CRACD: variants seen among roughly 807,000 people sequenced by gnomAD.
The protein encoded by CRACD is capping protein-inhibiting regulator of actin dynamics.
CRACD carries 56 observed loss-of-function variants against 106.8 expected under a neutral mutation model. The ratio of observed to expected loss-of-function variants is 0.52; its 90% CI spans 0.42 to 0.66. The LOEUF is 0.66. CRACD is among the 30% of genes least tolerant of loss of function. The probability of loss-of-function intolerance (pLI) is 0.00; values close to 1 mark genes in which losing one functional copy is unlikely to be tolerated. For missense variants in CRACD, 1,730 were observed against 1,623.2 expected (o/e 1.07, Z -1.13); for synonymous variants, 754 against 670.8 (o/e 1.12, Z -1.92).
At chr4:56,323,664 G>A in intron 9 of CRACD, 97 bp downstream of exon 9, 1 of 1,216,556 alleles carries the variant, frequency 8.2e-7, no homozygotes, top group East Asian at 2.6e-5. Context: ...TGGGCTGGTG[G>A]AAAGTACTTA....
rs1322599487 is a variant in CRACD at position 56,328,265 on chromosome 4, A to G, written c.*461A>G. 2 of 515,110 alleles carry G rather than the reference A, an allele frequency of 3.9e-6. No individual in the cohort carries two copies. The highest frequency in any genetic ancestry group is 3.9e-5 in the African/African-American group (2 of 51,900). The allele number at this position is 515,110 out of a possible 1,614,324, so 31.9% of individuals were successfully genotyped here. ...TCCTTTCTACAGTAATGGTGAAAGG[A>G]TCATATCTAGCTAAAAGCAAGAACA... On this transcript the variant is annotated 3_prime_UTR_variant, in exon 11 of 11. Coordinates refer to ENST00000682029, the MANE Select transcript of CRACD (RefSeq NM_001393381.1).
Position 56,314,491 on chromosome 4 carries a change from A to G in CRACD, c.989A>G (p.Glu330Gly). The change falls in exon 8 of 11, where the codon GAG becomes GGG. Residue 330 changes from glutamate (E) to glycine (G), a missense_variant. By Grantham distance (98) the Glu-to-Gly change is moderately conservative. Around this residue, in one of 5 missense-constraint regions of CRACD, gnomAD observed 1,620 missense variants for 1,481.6 expected, o/e 1.09. Coordinates refer to ENST00000682029, the MANE Select transcript of CRACD (RefSeq NM_001393381.1). This position sits in a 1 kb window ranked among gnomAD's most constrained non-coding sequence, Gnocchi z 4.4. Reference protein sequence around the residue: ...RRRLQAQAQAEERRRLEEDAR... With the variant: ...RRRLQAQAQAGERRRLEEDAR... ...CGTCTGCAGGCCCAGGCCCAAGCGG[A>G]GGAGAGGCGGCGGCTGGAGGAGGAC... 6.6e-7 allele frequency: 1 copy of G among 1,522,754 alleles called. No individual in the cohort carries two copies. The highest frequency in any genetic ancestry group is 2.5e-5 in the East Asian group (1 of 40,702). 94.3% of individuals were successfully genotyped at this position (1,522,754 alleles called of 1,614,324 possible).
chr4:56,137,136 T>A (rs1405988054), intron 1 of CRACD, among the ~76,000 whole-genome samples: 1 of 152,096 alleles, frequency 6.6e-6, no homozygotes, highest in Non-Finnish European at 1.5e-5. Context: ...GCAATAGAAA[T>A]TTTTCAGCTC....
intron 2 of CRACD, among the ~76,000 whole-genome samples, chr4:56,187,476 A>G (rs1404040904): frequency 6.6e-6 from 1 of 152,136 alleles, no homozygotes; most frequent in African/African-American, 2.4e-5. Flanking sequence ...AGAAAAATGA[A>G]TGCTTGATTT....
At chr4:56,130,656 T>C (rs896241794) in intron 1 of CRACD, among the ~76,000 whole-genome samples, 7 of 152,216 alleles carry the variant, frequency 4.6e-5, no homozygotes, top group African/African-American at 1.4e-4. Context: ...TTATCCACTT[T>C]ATTTGATTTG....
intron 2 of CRACD, among the ~76,000 whole-genome samples, chr4:56,211,869 A>G (rs12640682): frequency 0.17 from 26,032 of 152,136 alleles, 5,411 homozygotes; most frequent in East Asian, 0.51. Context: ...AATCTGGTCC[A>G]TGGATTTGAC....
chr4:56,154,143 C>G (rs186004755), intron 1 of CRACD, among the ~76,000 whole-genome samples: 6 of 152,224 alleles, frequency 3.9e-5, no homozygotes, highest in Admixed American at 6.5e-5. Context: ...GGATCTGCAG[C>G]CTTTTTGAGG....
At chr4:56,138,559 A>G (rs1320007920) in intron 1 of CRACD, among the ~76,000 whole-genome samples, 1 of 152,150 alleles carries the variant, frequency 6.6e-6, no homozygotes, top group Non-Finnish European at 1.5e-5. Flanking sequence ...GCACTATTGA[A>G]TGTTTCCATT....
At chr4:56,184,949 G>T (rs568095335) in intron 2 of CRACD, among the ~76,000 whole-genome samples, 17 of 152,018 alleles carry the variant, frequency 1.1e-4, no homozygotes, top group Non-Finnish European at 1.0e-4. Context: ...GTGGCATTTA[G>T]TTTATTTATT....
chr4:56,311,145 C>T (rs1387587659), intron 6 of CRACD: 1 of 171,434 alleles, frequency 5.8e-6, no homozygotes, highest in Non-Finnish European at 1.2e-5. Flanking sequence ...CATTTCTCTA[C>T]TTTTATGTTG....
chr4:56,273,229 C>A (rs1299999927), intron 3 of CRACD, among the ~76,000 whole-genome samples: 1 of 152,092 alleles, frequency 6.6e-6, no homozygotes, highest in Non-Finnish European at 1.5e-5. Context: ...ACCCTTCATA[C>A]CCCTGGCCAT....
At chr4:56,268,277 T>C (rs1465118334) in intron 2 of CRACD, among the ~76,000 whole-genome samples, 1 of 152,256 alleles carries the variant, frequency 6.6e-6, no homozygotes, top group Non-Finnish European at 1.5e-5. Flanking sequence ...GAACTTTTTT[T>C]CTAATCAATA....
At chr4:56,080,949 C>G (rs1418517316) in intron 1 of CRACD, among the ~76,000 whole-genome samples, 1 of 152,230 alleles carries the variant, frequency 6.6e-6, no homozygotes, top group Non-Finnish European at 1.5e-5. Context: ...GATCTATCCA[C>G]TTACTTTCTC....
At chr4:56,295,318 A>G (rs1261576911) in intron 3 of CRACD, among the ~76,000 whole-genome samples, 3 of 152,168 alleles carry the variant, frequency 2.0e-5, no homozygotes, top group Admixed American at 6.6e-5. Flanking sequence ...CATATATGCA[A>G]GATACATCAC....
At chr4:56,101,839 A>G (rs542557911) in intron 1 of CRACD, among the ~76,000 whole-genome samples, 209 of 152,136 alleles carry the variant, frequency 1.4e-3, no homozygotes, top group African/African-American at 4.6e-3. Context: ...TTTATAAAAC[A>G]TATGTTACAT....
At chr4:56,278,012 T>C (rs933712736) in intron 3 of CRACD, among the ~76,000 whole-genome samples, 1 of 152,166 alleles carries the variant, frequency 6.6e-6, no homozygotes, top group Non-Finnish European at 1.5e-5. Context: ...TAAAGAAGAT[T>C]GAAATGATGG....
chr4:56,169,155 C>A (rs1000260247), intron 1 of CRACD, among the ~76,000 whole-genome samples: 1 of 152,002 alleles, frequency 6.6e-6, no homozygotes, highest in African/African-American at 2.4e-5. Flanking sequence ...GTTGTTTCTT[C>A]GTAGCTAAAT....
chr4:56,188,645 C>CTCTA (rs1283274411), intron 2 of CRACD, among the ~76,000 whole-genome samples: 12 of 143,958 alleles, frequency 8.3e-5, no homozygotes, highest in African/African-American at 2.4e-4. Flanking sequence ...CTCTCTCTCT[C>CTCTA]TCTATCTCTC....
In CRACD at chr4:56,273,620, G is replaced by A. The variant is rs529958675; in HGVS notation, c.-17+1128G>A. On this transcript the variant is annotated intron_variant, in intron 3 of 10. Coordinates refer to ENST00000682029, the MANE Select transcript of CRACD (RefSeq NM_001393381.1). ...CCAGCTCCTCTGAGAAACCTTTTCC[G>A]ACAACCCCATCTGATTTGTTTGCCC... 2.6e-5 allele frequency among the ~76,000 whole-genome samples: 4 copies of A among 152,170 alleles called. No homozygotes were observed. In the South Asian group the frequency reaches 6.2e-4, roughly 24 times the overall value.
Sources: allele counts gnomAD v4.1 joint callset (sites outside exome capture counted in the v4.1 genomes callset), GRCh38; gene constraint gnomAD v4.1.1; regional missense constraint gnomAD v4.1.1; non-coding constraint Gnocchi (gnomAD v3.1); transcripts MANE v1.5; gene names NCBI Gene and HGNC (gene_info 2026-07-23, HGNC 2026-07-21).